CUX1: variants seen among roughly 807,000 people sequenced by gnomAD.
CUX1 encodes cut like homeobox 1.
A neutral mutation model predicts 158.8 loss-of-function variants in CUX1; 31 were observed. That is an observed-to-expected ratio of 0.20 (90% CI 0.15 to 0.26). The LOEUF (loss-of-function observed/expected upper bound fraction) is 0.26, where lower values mean the gene tolerates loss of function less well. Among genes scored for constraint, CUX1 ranks in the 10% least tolerant of loss-of-function variants. The probability of loss-of-function intolerance (pLI) is 1.00; values close to 1 mark genes in which losing one functional copy is unlikely to be tolerated. For synonymous variants in CUX1, 879 were observed against 862.1 expected (o/e 1.02, Z -0.34); for missense variants, 1,589 against 2,014.6 (o/e 0.79, Z 4.04).
chr7:102,102,726 C>G (rs556092345), intron 5 of CUX1, among the ~76,000 whole-genome samples: 7 of 152,304 alleles, frequency 4.6e-5, no homozygotes, highest in Admixed American at 1.3e-4. Flanking sequence ...AGAAAATGAG[C>G]CTCGCCTGCT....
chr7:102,231,543 T>G (rs1798990685), intron 21 of CUX1, among the ~76,000 whole-genome samples: 1 of 151,714 alleles, frequency 6.6e-6, no homozygotes, highest in Admixed American at 6.6e-5. Context: ...CATCTAGGAG[T>G]CATACAGATA....
Position 102,084,455 on chromosome 7 carries a change from G to A in CUX1, c.269-12909G>A, listed in dbSNP as rs1366271358. ...TTTTTTTTTTTTGAGACAGAGTCTC[G>A]CTCTGTCACCCTGGCTGGAGTGCAG... On this transcript the variant is annotated intron_variant, in intron 4 of 23. Transcript: ENST00000292535. Among the ~76,000 whole-genome samples the A allele has an allele frequency of 1.1e-4, 15 of 134,936 alleles. 2 individuals are homozygous for A. The highest frequency in any genetic ancestry group is 9.4e-4 in the South Asian group (4 of 4,240). 88.5% of individuals were successfully genotyped at this position (134,936 alleles called of 152,430 possible).
At chr7:101,996,159 T>C (rs1815853377) in intron 2 of CUX1, among the ~76,000 whole-genome samples, 1 of 151,514 alleles carries the variant, frequency 6.6e-6, no homozygotes, top group South Asian at 2.1e-4. Context: ...CTATGTTCCA[T>C]TTTGGTGATG....
intron 22 of CUX1, among the ~76,000 whole-genome samples, chr7:102,236,849 C>T (rs1799619701): frequency 6.6e-6 from 1 of 152,230 alleles, no homozygotes; most frequent in Non-Finnish European, 1.5e-5. Flanking sequence ...CCCATCTTTC[C>T]CTCGGCACAG....
intron 2 of CUX1, among the ~76,000 whole-genome samples, chr7:101,989,257 T>C (rs1196585817): frequency 2.0e-5 from 3 of 152,274 alleles, no homozygotes; most frequent in African/African-American, 4.8e-5. Flanking sequence ...CCTCAGGTGG[T>C]ATCTGGTTCC....
At chr7:102,062,013 G>A (rs750046606) in intron 3 of CUX1, among the ~76,000 whole-genome samples, 1 of 152,184 alleles carries the variant, frequency 6.6e-6, no homozygotes, top group Non-Finnish European at 1.5e-5. Context: ...GGCTGGCTGT[G>A]ACTGTGCCCC....
intron 9 of CUX1, among the ~76,000 whole-genome samples, chr7:102,169,521 C>T (rs1400946793): frequency 2.6e-5 from 4 of 152,232 alleles, no homozygotes; most frequent in African/African-American, 7.2e-5. Flanking sequence ...AGTATTAAGC[C>T]GGCACAAGGC....
At chr7:101,825,932 T>C (rs1471321492) in intron 1 of CUX1, among the ~76,000 whole-genome samples, 1 of 152,284 alleles carries the variant, frequency 6.6e-6, no homozygotes, top group African/African-American at 2.4e-5. Flanking sequence ...CAATCCATTA[T>C]AAATGCAGCT....
At chr7:102,183,979 C>T (rs1793387160) in intron 11 of CUX1, among the ~76,000 whole-genome samples, 1 of 152,140 alleles carries the variant, frequency 6.6e-6, no homozygotes. Context: ...CTCACTGTAG[C>T]CTCGACCTCC....
chr7:102,250,456 A>G lies in CUX1; in HGVS notation c.*1414A>G. ...AGGCCTGGGCAGGGCTTACACGCGC[A>G]CTCTCTCTCTTCTTTCCCTTTTTCT... On this transcript the variant is annotated 3_prime_UTR_variant, in exon 24 of 24. Coordinates refer to ENST00000292535, the MANE Select transcript of CUX1 (RefSeq NM_181552.4). 8 of 984,884 alleles carry G rather than the reference A, an allele frequency of 8.1e-6. No homozygotes were observed. The highest frequency in any genetic ancestry group is 9.6e-6 in the Non-Finnish European group (8 of 829,842). The allele number at this position is 984,884 out of a possible 1,614,324, so 61.0% of individuals were successfully genotyped here. A position where few individuals can be genotyped will look rare whatever the true frequency, so the allele number is the denominator to read the frequency against.
chr7:102,018,169 T>C (rs1421075272), intron 2 of CUX1, among the ~76,000 whole-genome samples: 1 of 152,090 alleles, frequency 6.6e-6, no homozygotes. Flanking sequence ...CTATCTTGCC[T>C]AGACTGGTCT....
chr7:102,093,456 A>C (rs1203350013), intron 4 of CUX1, among the ~76,000 whole-genome samples: 1 of 152,096 alleles, frequency 6.6e-6, no homozygotes, highest in East Asian at 1.9e-4. Context: ...CAAAGTGCTG[A>C]GATTACAGGT....
At chr7:102,180,569 T>A (rs1792921136) in intron 11 of CUX1, among the ~76,000 whole-genome samples, 2 of 151,634 alleles carry the variant, frequency 1.3e-5, no homozygotes, top group Non-Finnish European at 2.9e-5. Context: ...CAAGCAATTC[T>A]CCCACCTCGG....
intron 1 of CUX1, among the ~76,000 whole-genome samples, chr7:101,844,560 T>C (rs1279938765): frequency 6.6e-6 from 1 of 152,168 alleles, no homozygotes; most frequent in Non-Finnish European, 1.5e-5. Flanking sequence ...GTCTGGTTTT[T>C]CTTTTTATCC....
intron 2 of CUX1, among the ~76,000 whole-genome samples, chr7:102,015,949 A>T (rs1009535985): frequency 1.1e-4 from 17 of 151,986 alleles, no homozygotes; most frequent in African/African-American, 2.9e-4. Flanking sequence ...AGTAGCTGGG[A>T]TTACAGGCAC....
At chr7:101,907,620 A>G (rs1802908992) in intron 1 of CUX1, among the ~76,000 whole-genome samples, 1 of 152,180 alleles carries the variant, frequency 6.6e-6, no homozygotes, top group African/African-American at 2.4e-5. Context: ...AAGTTCTGGG[A>G]TTACAGGTGT....
At chr7:102,262,247 C>CA (rs1328483537), downstream of CUX1, among the ~76,000 whole-genome samples, 1 of 151,998 alleles carries the variant, frequency 6.6e-6, no homozygotes, top group Non-Finnish European at 1.5e-5. Context: ...ACTAAAAAGA[C>CA]AAAAAAATTA....
At chr7:102,021,818 C>T (rs1249207285) in intron 2 of CUX1, among the ~76,000 whole-genome samples, 1 of 152,096 alleles carries the variant, frequency 6.6e-6, no homozygotes, top group Non-Finnish European at 1.5e-5. Flanking sequence ...GCTTCAGCCT[C>T]TCGAAGTGCT....
intron 21 of CUX1, among the ~76,000 whole-genome samples, chr7:102,232,416 AGT>A (rs1470454911): frequency 6.6e-6 from 1 of 152,182 alleles, no homozygotes; most frequent in Admixed American, 6.5e-5. Flanking sequence ...CTTAGAAGCC[AGT>A]GTGTGGTGTT....
Sources: allele counts gnomAD v4.1 joint callset (sites outside exome capture counted in the v4.1 genomes callset), GRCh38; gene constraint gnomAD v4.1.1; transcripts MANE v1.5; gene names NCBI Gene and HGNC (gene_info 2026-07-23, HGNC 2026-07-21).